The following NME7 variants were observed in gnomAD, a reference collection of about 807,000 sequenced individuals.
NME7 encodes nucleoside diphosphate kinase 7.
Under a neutral mutation model 49.1 loss-of-function variants are expected in NME7, and 41 were observed. That is an observed-to-expected ratio of 0.83 (90% CI 0.65 to 1.08). NME7 has a LOEUF of 1.08. Ranked by LOEUF, NME7 falls within the 50% of genes least tolerant of loss-of-function variation. The pLI is 0.00. For synonymous variants in NME7, 139 were observed against 150.6 expected (o/e 0.92, Z 0.56); for missense variants, 423 against 463.4 (o/e 0.91, Z 0.80).
chr1:169,254,274 T>G (rs1648788840), intron 7 of NME7, among the ~76,000 whole-genome samples: 1 of 152,078 alleles, frequency 6.6e-6, no homozygotes, highest in South Asian at 2.1e-4. Context: ...ATTCAACTTC[T>G]TCCTGGTTTA....
intron 5 of NME7, among the ~76,000 whole-genome samples, chr1:169,300,432 T>C (rs190932789): frequency 1.3e-5 from 2 of 152,278 alleles, no homozygotes; most frequent in Admixed American, 1.3e-4. Flanking sequence ...ATGTCTACTG[T>C]GGCCATTTAG....
intron 10 of NME7, among the ~76,000 whole-genome samples, chr1:169,229,945 G>A (rs12145193): frequency 1.3e-5 from 2 of 150,974 alleles, no homozygotes; most frequent in African/African-American, 4.9e-5. Context: ...CTGGGCAACA[G>A]AGTGAGACTC....
At chr1:169,169,847 A>G (rs923819848) in intron 10 of NME7, among the ~76,000 whole-genome samples, 1 of 152,220 alleles carries the variant, frequency 6.6e-6, no homozygotes, top group African/African-American at 2.4e-5. Flanking sequence ...AACAACTTTG[A>G]TTTAAAATGA....
chr1:169,278,684 CGTCAAA>C (rs1181685487), intron 7 of NME7, among the ~76,000 whole-genome samples: 2 of 152,210 alleles, frequency 1.3e-5, no homozygotes, highest in African/African-American at 2.4e-5. Flanking sequence ...TCTCTCAACT[CGTCAAA>C]GTCATTCTCC....
chr1:169,355,114 A>T (rs867239547), intron 1 of NME7, among the ~76,000 whole-genome samples: 3 of 43,550 alleles, frequency 6.9e-5, no homozygotes, highest in African/African-American at 2.9e-4. Flanking sequence ...TATAATATAT[A>T]ATATACTATA....
intron 7 of NME7, among the ~76,000 whole-genome samples, chr1:169,256,316 A>G (rs1648931326): frequency 7.5e-6 from 1 of 133,126 alleles, no homozygotes. Context: ...CATTCATTTC[A>G]TCTTCCATCA....
intron 1 of NME7, among the ~76,000 whole-genome samples, chr1:169,351,389 A>C (rs773625989): frequency 6.6e-6 from 1 of 152,086 alleles, no homozygotes; most frequent in Non-Finnish European, 1.5e-5. Flanking sequence ...ATATACTATT[A>C]GTTATGGAAT....
chr1:169,148,234 C>G (rs1187653640), intron 11 of NME7, among the ~76,000 whole-genome samples: 6 of 152,162 alleles, frequency 3.9e-5, no homozygotes, highest in Non-Finnish European at 5.9e-5. Context: ...AACTCCTGAC[C>G]TCAAGTGATT....
chr1:169,364,911 G>A (rs1312063033), intron 1 of NME7, among the ~76,000 whole-genome samples: 1 of 152,168 alleles, frequency 6.6e-6, no homozygotes, highest in Non-Finnish European at 1.5e-5. Flanking sequence ...ACCAGCTACT[G>A]TTCCTTGCTT....
At chr1:169,352,101 A>G (rs970516185) in intron 1 of NME7, among the ~76,000 whole-genome samples, 7 of 151,890 alleles carry the variant, frequency 4.6e-5, no homozygotes, top group Admixed American at 1.3e-4. Context: ...TACCAAAACC[A>G]GACAACAACA....
chr1:169,234,146 C>A (rs1647758322), intron 9 of NME7, among the ~76,000 whole-genome samples: 1 of 152,104 alleles, frequency 6.6e-6, no homozygotes, highest in South Asian at 2.1e-4. Context: ...TTTTAAGTCA[C>A]CCTAGTTTTT....
At chr1:169,232,550 G>A (rs114054371) in intron 9 of NME7, among the ~76,000 whole-genome samples, 1,952 of 123,268 alleles carry the variant, frequency 0.016, 43 homozygotes, top group African/African-American at 0.05. Flanking sequence ...TAAGCAGCCA[G>A]GGTGTTGGGG....
chr1:169,217,108 AAAT>A (rs1309520051), intron 10 of NME7, among the ~76,000 whole-genome samples: 1 of 152,200 alleles, frequency 6.6e-6, no homozygotes, highest in African/African-American at 2.4e-5. Context: ...ATAAAGTTGA[AAAT>A]AATAAACCAG....
chr1:169,349,141 CT>C (rs201691555), intron 1 of NME7, among the ~76,000 whole-genome samples: 7 of 151,910 alleles, frequency 4.6e-5, no homozygotes, highest in South Asian at 2.1e-4. Context: ...TAATAAGTTT[CT>C]TTTTTTAAAG....
At position 169,217,873 on chromosome 1, in the gene NME7, G is replaced by A. The variant is rs1208376; in HGVS notation, c.990+12845C>T. Among the ~76,000 whole-genome samples the A allele has an allele frequency of 8.9e-3, 1,350 of 152,152 alleles. 14 individuals are homozygous for A. Among genetic ancestry groups the A allele is most frequent in the African/African-American group, 0.031 (1,280 of 41,482 alleles). On this transcript the variant is annotated intron_variant, in intron 10 of 11. Coordinates refer to ENST00000367811, the MANE Select transcript of NME7 (RefSeq NM_013330.5). Reference sequence around the variant, plus strand: ...AAAGCAGCACTATAAGCTGCACTATGCTTTTCAATATGATGCCACTCCTTC... The same window carrying A: ...AAAGCAGCACTATAAGCTGCACTATACTTTTCAATATGATGCCACTCCTTC...
chr1:169,284,047 G>T (rs933239716), intron 7 of NME7: 1 of 152,002 alleles, frequency 6.6e-6, no homozygotes, highest in Non-Finnish European at 1.5e-5. Context: ...AGTGTTTTCC[G>T]ACTTGGTCCC....
At chr1:169,296,942 C>T (rs905364070) in intron 6 of NME7, among the ~76,000 whole-genome samples, 2 of 151,952 alleles carry the variant, frequency 1.3e-5, no homozygotes, top group Non-Finnish European at 2.9e-5. Context: ...CCTGATTAGG[C>T]TCCCTGTTGC....
At chr1:169,224,478 A>AAT (rs1661241677) in intron 10 of NME7, among the ~76,000 whole-genome samples, 1 of 152,076 alleles carries the variant, frequency 6.6e-6, no homozygotes, top group African/African-American at 2.4e-5. Flanking sequence ...TTTCCTGTTT[A>AAT]ATAGATTTTG....
intron 10 of NME7, among the ~76,000 whole-genome samples, chr1:169,182,193 C>G (rs1008642917): frequency 1.0e-4 from 10 of 98,500 alleles, no homozygotes; most frequent in Non-Finnish European, 1.9e-4. Flanking sequence ...AAAAAAACAA[C>G]TCTGTAGAGA....
Sources: allele counts gnomAD v4.1 joint callset (sites outside exome capture counted in the v4.1 genomes callset), GRCh38; gene constraint gnomAD v4.1.1; transcripts MANE v1.5; gene names NCBI Gene and HGNC (gene_info 2026-07-23, HGNC 2026-07-21).